ZDHHC14: variants seen among roughly 807,000 people sequenced by gnomAD.
The protein encoded by ZDHHC14 is palmitoyltransferase ZDHHC14.
A neutral mutation model predicts 47.7 loss-of-function variants in ZDHHC14; 16 were observed. The ratio of observed to expected loss-of-function variants is 0.34; its 90% CI spans 0.23 to 0.51. ZDHHC14 has a LOEUF of 0.51. Ranked by LOEUF, ZDHHC14 falls within the 20% of genes least tolerant of loss-of-function variation. The pLI is 0.97. For missense variants in ZDHHC14, 515 were observed against 662.5 expected (o/e 0.78, Z 2.44); for synonymous variants, 293 against 278.9 (o/e 1.05, Z -0.50).
intron 1 of ZDHHC14, among the ~76,000 whole-genome samples, chr6:157,455,400 ACGCTGG>A (rs1778889975): frequency 6.6e-6 from 1 of 152,238 alleles, no homozygotes; most frequent in Non-Finnish European, 1.5e-5. Flanking sequence ...TGGAAGGGTG[ACGCTGG>A]CATGGGGGTT....
chr6:157,456,121 G>A (rs1258820798), intron 1 of ZDHHC14, among the ~76,000 whole-genome samples: 3 of 152,240 alleles, frequency 2.0e-5, no homozygotes, highest in African/African-American at 4.8e-5. Context: ...TTCTACTCCC[G>A]GAGGAGGCCT....
chr6:157,479,731 G>C (rs150067478), intron 1 of ZDHHC14, among the ~76,000 whole-genome samples: 190 of 152,316 alleles, frequency 1.2e-3, no homozygotes, highest in African/African-American at 4.2e-3. Context: ...GAATTCACTC[G>C]ATATGTATGA....
chr6:157,538,032 C>T (rs1466793650), intron 1 of ZDHHC14, among the ~76,000 whole-genome samples: 1 of 152,086 alleles, frequency 6.6e-6, no homozygotes, highest in East Asian at 1.9e-4. Context: ...TCTCAGTAGC[C>T]CTGACCTCAT....
At chr6:157,490,802 T>G (rs543446843) in intron 1 of ZDHHC14, among the ~76,000 whole-genome samples, 41 of 152,312 alleles carry the variant, frequency 2.7e-4, no homozygotes, top group African/African-American at 9.1e-4. Flanking sequence ...AGGGCAGTAG[T>G]GATAAGACTA....
At position 157,501,938 on chromosome 6, in the gene ZDHHC14, T is replaced by C. The variant is rs988278601; in HGVS notation, c.246-40647T>C. ...ACTGTGTTTTAGTCTGGAAGGATTC[T>C]AAGGCCAAGACTCAGCCTTTGACCA... On this transcript the variant is annotated intron_variant, in intron 1 of 8. Transcript: ENST00000359775. Among the ~76,000 whole-genome samples the C allele has an allele frequency of 1.3e-4, 20 of 152,350 alleles. 1 individual carries two copies. The highest frequency in any genetic ancestry group is 4.6e-4 in the African/African-American group (19 of 41,580).
intron 1 of ZDHHC14, among the ~76,000 whole-genome samples, chr6:157,496,761 C>T (rs1442933020): frequency 6.6e-6 from 1 of 152,214 alleles, no homozygotes; most frequent in Non-Finnish European, 1.5e-5. Flanking sequence ...AACTGTCAGA[C>T]CCTACATTTC....
At chr6:157,643,650 AAT>A (rs3056787) in intron 5 of ZDHHC14, among the ~76,000 whole-genome samples, 2,921 of 72,448 alleles carry the variant, frequency 0.04, 394 homozygotes, top group African/African-American at 0.12. Context: ...CTTCATCTCA[AAT>A]ATATATATAT....
At chr6:157,631,309 A>G (rs1360322191) in intron 4 of ZDHHC14, 1 of 152,200 alleles carries the variant, frequency 6.6e-6, no homozygotes, top group East Asian at 1.9e-4. Flanking sequence ...TCTATACTTA[A>G]ATACTGTTCA....
At chr6:157,507,017 T>C (rs988931188) in intron 1 of ZDHHC14, among the ~76,000 whole-genome samples, 2 of 152,144 alleles carry the variant, frequency 1.3e-5, no homozygotes, top group African/African-American at 4.8e-5. Flanking sequence ...TGCCCCCTAC[T>C]CTCAGTTTCA....
chr6:157,382,207 C>T lies in ZDHHC14; in HGVS notation c.186C>T (p.Gly62=), dbSNP rs765067657. 6 of 1,613,486 alleles carry T rather than the reference C, an allele frequency of 3.7e-6. No individual in the cohort carries two copies. The highest frequency in any genetic ancestry group is 1.7e-4 in the Middle Eastern group (1 of 6,056). ...GGATCATGATGGCCCGGCAGACGGG[C>T]GTCTTCTACCTGACGCTCGTCCTCA... ...NGRIMMARQT[G]VFYLTLVLIL... The change falls in exon 1 of 9, where the codon GGC becomes GGT. Residue 62 remains glycine (G), a synonymous_variant. Transcript: ENST00000359775.
At chr6:157,450,699 A>G (rs768870991) in intron 1 of ZDHHC14, among the ~76,000 whole-genome samples, 5 of 152,188 alleles carry the variant, frequency 3.3e-5, no homozygotes, top group African/African-American at 9.6e-5. Context: ...CTGCAAGCCT[A>G]TTGATGCATC....
chr6:157,667,447 T>C (rs987168458), intron 8 of ZDHHC14, among the ~76,000 whole-genome samples: 1 of 148,208 alleles, frequency 6.7e-6, no homozygotes, highest in African/African-American at 2.5e-5. Flanking sequence ...AAGAGAGAGG[T>C]AGAAAGGAAG....
intron 1 of ZDHHC14, among the ~76,000 whole-genome samples, chr6:157,471,259 C>G (rs1779348617): frequency 6.6e-6 from 1 of 152,246 alleles, no homozygotes; most frequent in Admixed American, 6.5e-5. Context: ...GTGCGCTTTG[C>G]GCCTGGCAGG....
intron 3 of ZDHHC14, among the ~76,000 whole-genome samples, chr6:157,595,767 C>T (rs1369663630): frequency 1.1e-4 from 17 of 152,166 alleles, no homozygotes; most frequent in African/African-American, 1.9e-4. Context: ...CTCTACCAGC[C>T]GTGAACCTAG....
intron 8 of ZDHHC14, among the ~76,000 whole-genome samples, chr6:157,671,349 G>T (rs1778785668): frequency 6.6e-6 from 1 of 152,162 alleles, no homozygotes; most frequent in Admixed American, 6.5e-5. Context: ...TGTGAAGAGG[G>T]GAACAGGCTC....
intron 1 of ZDHHC14, among the ~76,000 whole-genome samples, chr6:157,458,000 T>G (rs1778969185): frequency 1.3e-5 from 2 of 152,268 alleles, no homozygotes; most frequent in Non-Finnish European, 2.9e-5. Context: ...CTGCTTAGAC[T>G]GGCTTTGCAG....
At chr6:157,612,154 G>C (rs1784775302) in intron 3 of ZDHHC14, among the ~76,000 whole-genome samples, 1 of 152,278 alleles carries the variant, frequency 6.6e-6, no homozygotes, top group African/African-American at 2.4e-5. Flanking sequence ...GCTCTGTACA[G>C]TTTGCTTACT....
rs1392118594 is a variant in ZDHHC14, at chr6:157,586,771, G to A, written c.407-6217G>A. 2.0e-5 allele frequency among the ~76,000 whole-genome samples: 3 copies of A among 152,170 alleles called. No homozygotes were observed. Among genetic ancestry groups the A allele is most frequent in the Non-Finnish European group, 4.4e-5 (3 of 68,036 alleles). ...TGGCATCGCTGGGCCCTGAATCCAGGTCTTCTGATCCTTCCATTTCTTTTA... is the reference window on the plus strand; with the variant it reads ...TGGCATCGCTGGGCCCTGAATCCAGATCTTCTGATCCTTCCATTTCTTTTA... On this transcript the variant is annotated intron_variant, in intron 2 of 8. Transcript: ENST00000359775. The surrounding 1 kb of genome is among the most constrained non-coding windows in gnomAD (Gnocchi z 4.6).
intron 1 of ZDHHC14, among the ~76,000 whole-genome samples, chr6:157,530,407 A>G (rs1263754559): frequency 6.6e-6 from 1 of 152,218 alleles, no homozygotes; most frequent in African/African-American, 2.4e-5. Flanking sequence ...AGATAAAGGA[A>G]TCATCTGTGA....
Sources: allele counts gnomAD v4.1 joint callset (sites outside exome capture counted in the v4.1 genomes callset), GRCh38; gene constraint gnomAD v4.1.1; non-coding constraint Gnocchi (gnomAD v3.1); transcripts MANE v1.5; gene names NCBI Gene and HGNC (gene_info 2026-07-23, HGNC 2026-07-21).